KAZN: variants seen among roughly 807,000 people sequenced by gnomAD.
KAZN encodes the protein kazrin, periplakin interacting protein.
KAZN carries 40 observed loss-of-function variants against 87.4 expected under a neutral mutation model. That is an observed-to-expected ratio of 0.46 (90% CI 0.36 to 0.60). The LOEUF is 0.60. KAZN is among the 20% of genes least tolerant of loss of function. KAZN has a pLI of 0.00. For missense variants in KAZN, 898 were observed against 1,073.9 expected (o/e 0.84, Z 2.29); for synonymous variants, 466 against 458.3 (o/e 1.02, Z -0.22).
chr1:14,375,867 G>A (rs577616162), intron 2 of KAZN, among the ~76,000 whole-genome samples: 56 of 147,272 alleles, frequency 3.8e-4, no homozygotes, highest in African/African-American at 1.2e-3. Context: ...CGGCCTGGGC[G>A]ACAGAACAAG....
At chr1:14,010,450 C>A (rs1449230185) in intron 1 of KAZN, among the ~76,000 whole-genome samples, 1 of 152,170 alleles carries the variant, frequency 6.6e-6, no homozygotes, top group Non-Finnish European at 1.5e-5. Context: ...AGGATGCCAG[C>A]GATGAAGCAG....
chr1:14,314,384 T>C (rs1655508542), intron 2 of KAZN, among the ~76,000 whole-genome samples: 1 of 152,186 alleles, frequency 6.6e-6, no homozygotes, highest in Non-Finnish European at 1.5e-5. Flanking sequence ...CTCATCACTC[T>C]GATATACTTG....
intron 1 of KAZN, among the ~76,000 whole-genome samples, chr1:13,963,780 T>A (rs1641844599): frequency 6.7e-6 from 1 of 149,460 alleles, no homozygotes; most frequent in African/African-American, 2.5e-5. Flanking sequence ...TGTGTGTGTG[T>A]GTGTGTGTGT....
intron 1 of KAZN, among the ~76,000 whole-genome samples, chr1:13,958,313 G>A (rs1250720694): frequency 6.6e-6 from 1 of 152,186 alleles, no homozygotes; most frequent in Non-Finnish European, 1.5e-5. Flanking sequence ...GCTCACGCCT[G>A]TAATCCCAGC....
chr1:14,052,493 TGC>T (rs1447388572), intron 1 of KAZN, among the ~76,000 whole-genome samples: 1 of 151,634 alleles, frequency 6.6e-6, no homozygotes, highest in Non-Finnish European at 1.5e-5. Flanking sequence ...TACCCTGTGA[TGC>T]TGAAAAGTTA....
At chr1:14,143,005 A>G (rs1392455017) in intron 1 of KAZN, among the ~76,000 whole-genome samples, 1 of 151,924 alleles carries the variant, frequency 6.6e-6, no homozygotes, top group Non-Finnish European at 1.5e-5. Flanking sequence ...GCATGAGCCA[A>G]AGTTTGCGGT....
intron 1 of KAZN, among the ~76,000 whole-genome samples, chr1:14,152,298 G>A (rs12039317): frequency 6.1e-4 from 93 of 151,800 alleles, no homozygotes; most frequent in African/African-American, 2.1e-3. Context: ...TTTTCTTTTT[G>A]GACTCATTAA....
intron 1 of KAZN, among the ~76,000 whole-genome samples, chr1:14,147,396 T>C (rs1310715123): frequency 6.6e-6 from 1 of 152,226 alleles, no homozygotes; most frequent in Non-Finnish European, 1.5e-5. Context: ...TTAAGTGTTT[T>C]AACCAGTAAC....
Position 15,103,918 on chromosome 1 carries a change from G to T in KAZN, c.1882-105G>T, listed in dbSNP as rs560468531. The stretch of plus-strand genomic sequence containing the variant: ...CGTCAAATTAACTGGTCCCCAGGGG[G>T]TCAAGCCCTTGCTGTTGGGGACAGA... On this transcript the variant is annotated intron_variant, in intron 12 of 14. Transcript: ENST00000376030. The T allele has an allele frequency of 2.5e-6, 3 of 1,186,486 alleles. No homozygotes were observed. In the African/African-American group the frequency reaches 4.6e-5, roughly 18 times the overall value. 73.5% of individuals were successfully genotyped at this position (1,186,486 alleles called of 1,614,324 possible).
intron 2 of KAZN, among the ~76,000 whole-genome samples, chr1:14,249,046 A>G (rs1329872099): frequency 6.6e-6 from 1 of 151,872 alleles, no homozygotes; most frequent in Non-Finnish European, 1.5e-5. Context: ...GAGTAAAGAG[A>G]CTCTCCATTA....
intron 2 of KAZN, among the ~76,000 whole-genome samples, chr1:14,288,372 A>G (rs1303283217): frequency 1.3e-5 from 2 of 152,186 alleles, no homozygotes; most frequent in Non-Finnish European, 2.9e-5. Context: ...TTATTGGTCT[A>G]TTCAGAGATT....
intron 8 of KAZN, among the ~76,000 whole-genome samples, chr1:15,075,985 C>T (rs767251730): frequency 1.3e-5 from 2 of 152,224 alleles, no homozygotes; most frequent in Admixed American, 6.5e-5. Context: ...CCAGAGATGT[C>T]AGAGTCACAT....
At chr1:14,747,869 G>A (rs1362925801) in intron 1 of KAZN, among the ~76,000 whole-genome samples, 4 of 152,258 alleles carry the variant, frequency 2.6e-5, no homozygotes, top group African/African-American at 7.2e-5. Flanking sequence ...CGCCAACACC[G>A]GTTGCCACCC....
intron 2 of KAZN, among the ~76,000 whole-genome samples, chr1:14,430,915 C>T (rs1386481975): frequency 6.6e-6 from 1 of 152,246 alleles, no homozygotes; most frequent in African/African-American, 2.4e-5. Flanking sequence ...CCCATCCTCA[C>T]ATCTCAGCTC....
chr1:14,380,725 GA>G (rs1212587990), intron 2 of KAZN, among the ~76,000 whole-genome samples: 1 of 152,102 alleles, frequency 6.6e-6, no homozygotes, highest in Non-Finnish European at 1.5e-5. Context: ...ATGAGATCTA[GA>G]AAAATAGCCC....
intron 2 of KAZN, among the ~76,000 whole-genome samples, chr1:14,370,839 C>T (rs1049974255): frequency 2.6e-5 from 4 of 152,144 alleles, no homozygotes; most frequent in African/African-American, 9.7e-5. Flanking sequence ...CATGTGCTAC[C>T]ACGCCTGGCT....
At chr1:14,534,073 A>G (rs915688764) in intron 2 of KAZN, among the ~76,000 whole-genome samples, 1 of 152,154 alleles carries the variant, frequency 6.6e-6, no homozygotes, top group African/African-American at 2.4e-5. Context: ...GTACCCAATG[A>G]AACCCTTTCT....
At chr1:14,570,877 T>C (rs940732449) in intron 2 of KAZN, among the ~76,000 whole-genome samples, 2 of 152,170 alleles carry the variant, frequency 1.3e-5, no homozygotes, top group Admixed American at 6.5e-5. Context: ...TTCTTCACTA[T>C]ACCTCTGTTT....
At chr1:14,932,889 C>T (rs1406952656) in intron 1 of KAZN, among the ~76,000 whole-genome samples, 3 of 152,032 alleles carry the variant, frequency 2.0e-5, no homozygotes, top group Non-Finnish European at 4.4e-5. Flanking sequence ...AGCGCATTTA[C>T]AGTGTTGAAG....
Sources: allele counts gnomAD v4.1 joint callset (sites outside exome capture counted in the v4.1 genomes callset), GRCh38; gene constraint gnomAD v4.1.1; transcripts MANE v1.5; gene names NCBI Gene and HGNC (gene_info 2026-07-23, HGNC 2026-07-21).